The following SH3GL2 variants were observed in gnomAD, a reference collection of about 807,000 sequenced individuals.
SH3GL2 encodes endophilin-A1.
A neutral mutation model predicts 46.0 loss-of-function variants in SH3GL2; 24 were observed. That is an observed-to-expected ratio of 0.52 (90% confidence interval 0.38 to 0.73). The LOEUF (loss-of-function observed/expected upper bound fraction) is 0.73. Among genes scored for constraint, SH3GL2 ranks in the 30% least tolerant of loss-of-function variants. The pLI, the probability that SH3GL2 is intolerant of heterozygous loss-of-function variation, is 0.00. For synonymous variants in SH3GL2, 196 were observed against 147.1 expected (o/e 1.33, Z -2.40); for missense variants, 413 against 424.2 (o/e 0.97, Z 0.23).
At chr9:17,636,567 G>C (rs1025867728) in intron 1 of SH3GL2, among the ~76,000 whole-genome samples, 1 of 152,128 alleles carries the variant, frequency 6.6e-6, no homozygotes, top group Non-Finnish European at 1.5e-5. Flanking sequence ...TTGCTGTTTT[G>C]ATAATGATAA....
chr9:17,621,235 CT>C (rs1458008377), intron 1 of SH3GL2, among the ~76,000 whole-genome samples: 1 of 152,140 alleles, frequency 6.6e-6, no homozygotes, highest in African/African-American at 2.4e-5. Context: ...CAATGAATGT[CT>C]TTATGCATAA....
chr9:17,674,675 T>G (rs1373255600), intron 1 of SH3GL2, among the ~76,000 whole-genome samples: 1 of 152,150 alleles, frequency 6.6e-6, no homozygotes, highest in African/African-American at 2.4e-5. Flanking sequence ...TCATGGGTCC[T>G]CATTCATCTG....
chr9:17,695,400 A>AG (rs1288246061), intron 1 of SH3GL2, among the ~76,000 whole-genome samples: 1 of 152,144 alleles, frequency 6.6e-6, no homozygotes, highest in Non-Finnish European at 1.5e-5. Context: ...TTTTATTTCC[A>AG]GGGGGTTAGA....
chr9:17,698,844 G>A (rs1821273301), intron 1 of SH3GL2, among the ~76,000 whole-genome samples: 1 of 152,048 alleles, frequency 6.6e-6, no homozygotes. Flanking sequence ...TAAAGATAGA[G>A]AATATGCAAA....
At chr9:17,712,425 A>G (rs1422706014) in intron 1 of SH3GL2, among the ~76,000 whole-genome samples, 1 of 151,804 alleles carries the variant, frequency 6.6e-6, no homozygotes, top group Non-Finnish European at 1.5e-5. Context: ...CTTTTCTTTC[A>G]GAAGTTTCAT....
chr9:17,600,131 A>G (rs1818642433), intron 1 of SH3GL2, among the ~76,000 whole-genome samples: 1 of 152,216 alleles, frequency 6.6e-6, no homozygotes, highest in African/African-American at 2.4e-5. Context: ...CAGTTTAGAC[A>G]CAAAAAAGTA....
At chr9:17,614,668 T>A (rs1818945804) in intron 1 of SH3GL2, among the ~76,000 whole-genome samples, 1 of 152,152 alleles carries the variant, frequency 6.6e-6, no homozygotes. Flanking sequence ...CTACTGTTGT[T>A]ATTATTACCA....
intron 1 of SH3GL2, among the ~76,000 whole-genome samples, chr9:17,593,024 T>C (rs1818513278): frequency 2.0e-5 from 3 of 152,232 alleles, no homozygotes; most frequent in African/African-American, 7.2e-5. Context: ...TTCAGACAGC[T>C]GAACATGTGG....
chr9:17,761,244 T>G (rs953696368), intron 2 of SH3GL2, among the ~76,000 whole-genome samples, 193 bp from the exon 3 acceptor site: 2 of 152,204 alleles, frequency 1.3e-5, no homozygotes, highest in Admixed American at 6.5e-5. Flanking sequence ...AAACGGGCTT[T>G]CCACATCTTG....
intron 1 of SH3GL2, among the ~76,000 whole-genome samples, chr9:17,704,451 C>T (rs1367869151): frequency 1.3e-5 from 2 of 151,840 alleles, no homozygotes; most frequent in Non-Finnish European, 2.9e-5. Flanking sequence ...TATTAGAACT[C>T]CTATGGAATC....
In SH3GL2 at chr9:17,679,220, G is replaced by C. The variant is rs543966482; in HGVS notation, c.46-67846G>C. On this transcript the variant is annotated intron_variant, in intron 1 of 8. Transcript: ENST00000380607. ...GGCATTGAATCCATAAATTACCTTG[G>C]GCAGTATGGCTATTTTCATGATATT... 1.9e-3 allele frequency among the ~76,000 whole-genome samples: 289 copies of C among 152,216 alleles called. 4 individuals carry two copies. The highest frequency in any genetic ancestry group is 1.9e-3 in the East Asian group (10 of 5,180).
chr9:17,719,238 T>G (rs568611138), intron 1 of SH3GL2, among the ~76,000 whole-genome samples: 3 of 152,152 alleles, frequency 2.0e-5, no homozygotes, highest in African/African-American at 7.2e-5. Context: ...ATTGTGCCAA[T>G]ATTACTTCTT....
chr9:17,761,844 G>T lies in SH3GL2; in HGVS notation c.187+335G>T, dbSNP rs1463692336. Among the ~76,000 whole-genome samples, 6 of 152,148 alleles carry T rather than the reference G, an allele frequency of 3.9e-5. 1 individual carries two copies. ...CAAGAGATGGTAAGAAGGAAAATTA[G>T]GATAGTTTAAGGTAAGATATAATGA... On this transcript the variant is annotated intron_variant, in intron 3 of 8. Transcript: ENST00000380607.
rs889275326 is a variant in SH3GL2 at position 17,668,369 on chromosome 9, C to T, written c.46-78697C>T. Among the ~76,000 whole-genome samples the T allele has an allele frequency of 5.9e-5, 9 of 152,160 alleles. No homozygotes were observed. In the South Asian group the frequency reaches 6.2e-4, roughly 11 times the overall value. The stretch of plus-strand genomic sequence containing the variant: ...AGAGTCCCATCACTAGTTTTTGAAA[C>T]GACTGTTCTTTCCTCATTCAATATT... On this transcript the variant is annotated intron_variant, in intron 1 of 8. Transcript: ENST00000380607.
At position 17,641,971 on chromosome 9, in the gene SH3GL2, G is replaced by A. The variant is rs535779301; in HGVS notation, c.45+62684G>A. 3.9e-5 allele frequency among the ~76,000 whole-genome samples: 6 copies of A among 152,196 alleles called. No individual in the cohort carries two copies. The East Asian group carries it at 1.2e-3, about 29-fold the overall frequency. On this transcript the variant is annotated intron_variant, in intron 1 of 8. Transcript: ENST00000380607. ...GTATATACCCACTAATGGGATTGCT[G>A]GGTCAAATGGTATTTCTAGTTCTAG...
At chr9:17,710,028 G>A in intron 1 of SH3GL2, among the ~76,000 whole-genome samples, 1 of 151,836 alleles carries the variant, frequency 6.6e-6, no homozygotes, top group African/African-American at 2.4e-5. Context: ...GATTGGAGTG[G>A]AATTGTCTGG....
chr9:17,586,275 G>A (rs192294420), intron 1 of SH3GL2, among the ~76,000 whole-genome samples: 1 of 152,192 alleles, frequency 6.6e-6, no homozygotes, highest in African/African-American at 2.4e-5. Context: ...TGGAGAAGCT[G>A]TCTGTAATAC....
chr9:17,771,915 C>T (rs1324258558), intron 3 of SH3GL2, among the ~76,000 whole-genome samples: 1 of 152,178 alleles, frequency 6.6e-6, no homozygotes, highest in African/African-American at 2.4e-5. Flanking sequence ...AAATCTTCCT[C>T]TTCCCTTTTC....
intron 1 of SH3GL2, among the ~76,000 whole-genome samples, chr9:17,660,304 C>T (rs868217232): frequency 6.6e-6 from 1 of 152,176 alleles, no homozygotes; most frequent in South Asian, 2.1e-4. Flanking sequence ...GTCCCTCTGG[C>T]TGCCTGACTC....
Sources: gnomAD v4.1 joint callset for allele counts (sites outside exome capture counted in the v4.1 genomes callset) on GRCh38, gnomAD v4.1.1 for gene constraint, MANE v1.5 for transcripts, NCBI Gene and HGNC (gene_info 2026-07-23, HGNC 2026-07-21) for gene names.